Variants in MYRIP observed in about 807,000 individuals in gnomAD.
MYRIP encodes the protein rab effector MyRIP.
In MYRIP, 49 loss-of-function variants were observed where a neutral mutation model predicts 98.0. The observed-to-expected ratio is 0.50, with a 90% confidence interval of 0.40 to 0.63. The LOEUF (loss-of-function observed/expected upper bound fraction) is 0.63. Ranked by LOEUF, MYRIP falls within the 30% of genes least tolerant of loss-of-function variation. MYRIP has a pLI of 0.00. For missense variants in MYRIP, 1,004 were observed against 1,058.2 expected (o/e 0.95, Z 0.71); for synonymous variants, 404 against 409.5 (o/e 0.99, Z 0.16).
At chr3:40,228,467 T>C (rs1454813183) in intron 11 of MYRIP, among the ~76,000 whole-genome samples, 1 of 152,176 alleles carries the variant, frequency 6.6e-6, no homozygotes, top group East Asian at 1.9e-4. Flanking sequence ...CTGCTATCCC[T>C]AAAGGGTAAG....
At chr3:40,248,329 C>T (rs1953267670) in intron 13 of MYRIP, 1 of 152,166 alleles carries the variant, frequency 6.6e-6, no homozygotes, top group Non-Finnish European at 1.5e-5. Context: ...TCTCTTAACT[C>T]CTAGTATCAG....
At chr3:39,816,494 T>C (rs916125698) in intron 1 of MYRIP, among the ~76,000 whole-genome samples, 4 of 152,232 alleles carry the variant, frequency 2.6e-5, no homozygotes, top group African/African-American at 9.6e-5. Context: ...AAGATCAGAC[T>C]GACTGAAGAG....
intron 1 of MYRIP, among the ~76,000 whole-genome samples, chr3:39,828,116 T>C (rs1941328273): frequency 6.6e-6 from 1 of 152,156 alleles, no homozygotes; most frequent in Admixed American, 6.5e-5. Context: ...TAGGTGTCGA[T>C]GTCTATCTGT....
At chr3:39,933,865 G>A (rs192218057) in intron 2 of MYRIP, among the ~76,000 whole-genome samples, 3 of 152,144 alleles carry the variant, frequency 2.0e-5, no homozygotes, top group East Asian at 3.9e-4. Context: ...AAGATTGAAC[G>A]ACTTGCTCAA....
intron 3 of MYRIP, among the ~76,000 whole-genome samples, chr3:40,063,275 T>C (rs1272673869): frequency 6.6e-6 from 1 of 152,154 alleles, no homozygotes; most frequent in East Asian, 1.9e-4. Flanking sequence ...ACAAAGGACA[T>C]TGGGACAGTT....
chr3:40,088,507 G>A (rs1441594956), intron 3 of MYRIP, among the ~76,000 whole-genome samples: 1 of 152,212 alleles, frequency 6.6e-6, no homozygotes, highest in Non-Finnish European at 1.5e-5. Context: ...CTCTGTGCCA[G>A]GTACCATGCT....
In MYRIP at chr3:40,151,140, A is replaced by G; in HGVS notation, c.425A>G (p.Tyr142Cys). ...AGTGCCAAGGTTCTGAAGAACCTGTACAGGAAGCACCGGCTGGAGAGTGGC... is the reference window on the plus strand; with the variant it reads ...AGTGCCAAGGTTCTGAAGAACCTGTGCAGGAAGCACCGGCTGGAGAGTGGC... ...FGSAKVLKNL[Y>C]RKHRLESGAC... The change falls in exon 4 of 17, where the codon TAC becomes TGC. Residue 142 changes from tyrosine (Y) to cysteine (C), a missense_variant. Physicochemically the swap from Tyr to Cys is radical, Grantham distance 194. Transcript: ENST00000302541. 6.2e-7 allele frequency: 1 copy of G among 1,611,472 alleles called. No individual in the cohort carries two copies. The highest frequency in any genetic ancestry group is 8.5e-7 in the Non-Finnish European group (1 of 1,178,620).
intron 1 of MYRIP, among the ~76,000 whole-genome samples, chr3:39,840,346 A>G (rs1018539352): frequency 1.3e-5 from 2 of 151,142 alleles, no homozygotes; most frequent in African/African-American, 2.4e-5. Flanking sequence ...CCTTCCCTTT[A>G]TTTTGAGCCT....
At chr3:40,075,310 G>C (rs1344189851) in intron 3 of MYRIP, among the ~76,000 whole-genome samples, 2 of 152,166 alleles carry the variant, frequency 1.3e-5, no homozygotes, top group African/African-American at 4.8e-5. Flanking sequence ...ACTTATTAAA[G>C]CATTGTTTCT....
Position 40,190,167 on chromosome 3 carries a change from A to T in MYRIP, c.1369A>T (p.Thr457Ser), listed in dbSNP as rs1374209953. The T allele has an allele frequency of 6.2e-7, 1 of 1,613,560 alleles. No individual in the cohort carries two copies. The highest frequency in any genetic ancestry group is 8.5e-7 in the Non-Finnish European group (1 of 1,179,934). ...NPEAMCSDSE[T>S]SSAGSSREVG... is the part of the protein sequence containing the mutation. ...TGAGGCCATGTGCTCTGACTCGGAG[A>T]CCTCCTCCGCAGGCTCTTCCCGAGA... is the stretch of plus-strand genomic sequence containing the variant. Residue 457 changes from threonine to serine, a missense_variant, in exon 10 of 17, where the codon ACC (threonine) becomes TCC (serine). Physicochemically the swap from Thr to Ser is moderately conservative, Grantham distance 58. Transcript: ENST00000302541.
intron 8 of MYRIP, among the ~76,000 whole-genome samples, chr3:40,180,562 A>T (rs145403728): frequency 7.2e-5 from 11 of 152,338 alleles, no homozygotes; most frequent in African/African-American, 2.6e-4. Context: ...GGCCTGCTTG[A>T]ACTGAACCTT....
intron 3 of MYRIP, among the ~76,000 whole-genome samples, chr3:40,064,538 G>C (rs1419231987): frequency 1.3e-5 from 2 of 152,158 alleles, no homozygotes; most frequent in Non-Finnish European, 2.9e-5. Flanking sequence ...TTTATCCAGG[G>C]GGTAATTAGG....
chr3:39,844,637 A>G lies in MYRIP; in HGVS notation c.-31+34721A>G, dbSNP rs80225624. On this transcript the variant is annotated intron_variant, in intron 1 of 16. Transcript: ENST00000302541. Reference sequence around the variant, plus strand: ...ATAAACACCTAGCATGAGAAGAAGCAGAAATCTAGGCCACATGGTCACTTT... The same window carrying G: ...ATAAACACCTAGCATGAGAAGAAGCGGAAATCTAGGCCACATGGTCACTTT... Among the ~76,000 whole-genome samples, 6 of 152,340 alleles carry G rather than the reference A, an allele frequency of 3.9e-5. No individual in the cohort carries two copies. The East Asian group carries it at 1.2e-3, about 29-fold the overall frequency.
At chr3:39,998,467 A>T (rs963330806) in intron 2 of MYRIP, among the ~76,000 whole-genome samples, 1 of 152,232 alleles carries the variant, frequency 6.6e-6, no homozygotes, top group African/African-American at 2.4e-5. Context: ...AATCCAACTA[A>T]CAACGGACGT....
At chr3:39,882,431 A>G (rs995249814) in intron 1 of MYRIP, among the ~76,000 whole-genome samples, 6 of 152,202 alleles carry the variant, frequency 3.9e-5, no homozygotes, top group Admixed American at 2.6e-4. Flanking sequence ...GGGTATCAAA[A>G]TAGAGATTTA....
chr3:40,139,583 A>AT (rs1422079091), intron 3 of MYRIP, among the ~76,000 whole-genome samples: 3 of 151,822 alleles, frequency 2.0e-5, no homozygotes, highest in African/African-American at 2.4e-5. Context: ...TCAGCAGTTC[A>AT]TTTTTTTCCT....
intron 3 of MYRIP, among the ~76,000 whole-genome samples, chr3:40,101,562 A>T (rs774158243): frequency 2.0e-5 from 3 of 152,054 alleles, no homozygotes; most frequent in Non-Finnish European, 4.4e-5. Flanking sequence ...GACCTCTCAG[A>T]TTAATTCTCT....
At chr3:40,059,705 T>C (rs1315225134) in intron 3 of MYRIP, among the ~76,000 whole-genome samples, 1 of 152,168 alleles carries the variant, frequency 6.6e-6, no homozygotes, top group Non-Finnish European at 1.5e-5. Flanking sequence ...TCAAGAGGAA[T>C]TTTCTTTTGT....
rs374638880 is a variant in MYRIP, at chr3:40,151,151, C to T, written c.436C>T (p.Arg146Trp). 32 of 1,609,186 alleles carry T rather than the reference C, an allele frequency of 2.0e-5. No individual in the cohort carries two copies. Among genetic ancestry groups the T allele is most frequent in the Admixed American group, 1.7e-4 (10 of 59,608 alleles). The part of the protein sequence containing the change: ...KVLKNLYRKH[R>W]LESGACFDIL... ...TCTGAAGAACCTGTACAGGAAGCAC[C>T]GGCTGGAGAGTGGCGCGTGCTTCGA... The change falls in exon 4 of 17, where the codon CGG becomes TGG. Residue 146 changes from arginine to tryptophan, a missense_variant. Physicochemically the swap from Arg to Trp is moderately radical, Grantham distance 101 (BLOSUM62 -3). Transcript: ENST00000302541.
Sources: gnomAD v4.1 joint callset for allele counts (sites outside exome capture counted in the v4.1 genomes callset) on GRCh38, gnomAD v4.1.1 for gene constraint, MANE v1.5 for transcripts, NCBI Gene and HGNC (gene_info 2026-07-23, HGNC 2026-07-21) for gene names.